MED15: variants seen among roughly 807,000 people sequenced by gnomAD.
The protein encoded by MED15 is mediator of RNA polymerase II transcription subunit 15.
MED15 carries 41 observed loss-of-function variants against 118.7 expected under a neutral mutation model. The ratio of observed to expected loss-of-function variants is 0.35; its 90% confidence interval spans 0.27 to 0.45. The LOEUF is 0.45. MED15 is among the 20% of genes least tolerant of loss of function. The probability of loss-of-function intolerance (pLI) is 1.00; values close to 1 mark genes in which losing one functional copy is unlikely to be tolerated. For synonymous variants in MED15, 436 were observed against 413.9 expected, an observed-to-expected ratio of 1.05 and a Z score of -0.65; for missense variants, 740 against 1,025.5, an observed-to-expected ratio of 0.72 and a Z score of 3.80.
intron 1 of MED15, chr22:20,523,089 A>G (rs562698527): frequency 1.3e-5 from 2 of 152,292 alleles, no homozygotes; most frequent in African/African-American, 4.8e-5. Flanking sequence ...ACATATTGAT[A>G]TATTTCCACC....
chr22:20,578,767 C>T (rs568025381), intron 9 of MED15, among the ~76,000 whole-genome samples: 182 of 152,350 alleles, frequency 1.2e-3, no homozygotes, highest in African/African-American at 4.2e-3. Context: ...GTCAGCAGGA[C>T]ACAGTCTGGA....
At chr22:20,514,898 G>A (rs146852981) in intron 1 of MED15, among the ~76,000 whole-genome samples, 98 of 152,330 alleles carry the variant, frequency 6.4e-4, no homozygotes, top group Admixed American at 3.5e-3. Flanking sequence ...CCCTTCTGGT[G>A]CAGCTCCAGC....
intron 1 of MED15, among the ~76,000 whole-genome samples, chr22:20,534,664 C>T (rs2054991438): frequency 6.6e-6 from 1 of 152,168 alleles, no homozygotes; most frequent in Non-Finnish European, 1.5e-5. Context: ...TGCTCACTGA[C>T]TTCTTGGGGC....
At chr22:20,508,083 G>A (rs190063927) in intron 1 of MED15, 7 of 1,307,396 alleles carry the variant, frequency 5.4e-6, no homozygotes, top group Admixed American at 6.6e-5. Context: ...AGAAGCAGCC[G>A]GCTGTAGTGG....
intron 4 of MED15, 79 bp from the exon 5 acceptor site, chr22:20,554,857 C>T: frequency 1.4e-6 from 2 of 1,388,836 alleles, no homozygotes; most frequent in East Asian, 2.3e-5. Context: ...GATCTGTGCT[C>T]TGTGAGCCTT....
At chr22:20,549,093 G>T (rs541496037) in intron 2 of MED15, among the ~76,000 whole-genome samples, 3 of 152,196 alleles carry the variant, frequency 2.0e-5, no homozygotes, top group Non-Finnish European at 4.4e-5. Flanking sequence ...GAGCCTCCAC[G>T]ATTGGCCTCT....
At chr22:20,584,265 C>T (rs2057070231) in intron 13 of MED15, 94 bp from the exon 14 acceptor site, 5 of 1,313,044 alleles carry the variant, frequency 3.8e-6, no homozygotes, top group Middle Eastern at 2.5e-4. Context: ...GCAGAGGTTT[C>T]TGATGGCTGA....
chr22:20,567,859 C>T (rs546700775), intron 7 of MED15, among the ~76,000 whole-genome samples: 2 of 152,136 alleles, frequency 1.3e-5, no homozygotes, highest in African/African-American at 4.8e-5. Context: ...GTTTGCCCCC[C>T]ACCCCCACTT....
chr22:20,573,974 A>G (rs1459424173), intron 8 of MED15: 1 of 152,220 alleles, frequency 6.6e-6, no homozygotes, highest in Non-Finnish European at 1.5e-5. Context: ...GGCGTCTGCC[A>G]TGCCGTGTCA....
intron 1 of MED15, among the ~76,000 whole-genome samples, chr22:20,509,549 C>A (rs981435045): frequency 4.9e-5 from 7 of 141,908 alleles, no homozygotes; most frequent in Non-Finnish European, 1.1e-4. Context: ...GGAGGGGGAA[C>A]GTAGACAATT....
chr22:20,586,603 A>T lies in MED15; in HGVS notation c.2266A>T (p.Met756Leu). 6.2e-7 allele frequency: 1 copy of T among 1,612,998 alleles called. No individual in the cohort carries two copies. Among genetic ancestry groups the T allele is most frequent in the Non-Finnish European group, 8.5e-7 (1 of 1,179,954 alleles). The change falls in exon 18 of 18, where the codon ATG becomes TTG. Residue 756 changes from methionine (M) to leucine (L), a missense_variant. Around this residue, in one of 7 missense-constraint regions of MED15, gnomAD observed 179 missense variants for 259.0 expected, o/e 0.69. Transcript: ENST00000263205. ...NPFLQSVHRC[M>L]TSRLLQLPDK... ...CTTCCTCCAGTCGGTGCACCGCTGC[A>T]TGACCTCCAGGCTGCTGCAGCTCCC...
chr22:20,559,817 T>A (rs1474053424), intron 5 of MED15, among the ~76,000 whole-genome samples: 1 of 152,272 alleles, frequency 6.6e-6, no homozygotes, highest in African/African-American at 2.4e-5. Flanking sequence ...TATCTTTTTT[T>A]ATCCTTTTTC....
At chr22:20,534,606 T>C (rs1329400170) in intron 1 of MED15, among the ~76,000 whole-genome samples, 1 of 152,146 alleles carries the variant, frequency 6.6e-6, no homozygotes, top group Non-Finnish European at 1.5e-5. Context: ...GGGGCACAGA[T>C]GAGGCAACCT....
At chr22:20,553,055 C>G in intron 3 of MED15, 90 bp from the exon 4 acceptor site, 2 of 1,265,886 alleles carry the variant, frequency 1.6e-6, no homozygotes, top group Non-Finnish European at 2.3e-6. Flanking sequence ...AAGGCTTGGG[C>G]AAATGCCTAC....
At chr22:20,508,384 G>C (rs1289892561) in intron 1 of MED15, 2 of 1,304,232 alleles carry the variant, frequency 1.5e-6, no homozygotes, top group East Asian at 1.1e-4. Context: ...CCGACTGCTT[G>C]TTTCTGTTAG....
intron 9 of MED15, among the ~76,000 whole-genome samples, chr22:20,579,929 G>T (rs764143268): frequency 6.6e-6 from 1 of 151,874 alleles, no homozygotes; most frequent in Admixed American, 6.6e-5. Flanking sequence ...ACCGGCGCCC[G>T]ACCTCTCTGG....
chr22:20,565,997 G>C (rs932353353), intron 6 of MED15, among the ~76,000 whole-genome samples: 4 of 150,944 alleles, frequency 2.6e-5, no homozygotes, highest in African/African-American at 9.7e-5. Context: ...CTCCCCGTGT[G>C]AGTGAGAGGT....
chr22:20,523,805 A>G, intron 1 of MED15: 1 of 985,448 alleles, frequency 1.0e-6, no homozygotes, highest in Non-Finnish European at 1.2e-6. Flanking sequence ...ATTCTTCTGA[A>G]CTAGCTTAGA....
Position 20,586,689 on chromosome 22 carries a change from CCT to C in MED15, c.2356_2357del (p.Ala787ArgfsTer31). The C allele has an allele frequency of 6.2e-7, 1 of 1,612,636 alleles. No homozygotes were observed. Among genetic ancestry groups the C allele is most frequent in the Non-Finnish European group, 8.5e-7 (1 of 1,179,952 alleles). ...GGGCCCAGAGCGTCCACCAGGCCTG[CCT>C]CTCAGCCGCCTAGCCAAGACTGCAG... ...TWAQSVHQAC[L>X]SAA On this transcript the variant is annotated frameshift_variant, in exon 18 of 18. Transcript: ENST00000263205. LOFTEE classifies it high-confidence loss of function.
Sources: gnomAD v4.1 joint callset for allele counts (sites outside exome capture counted in the v4.1 genomes callset) on GRCh38, gnomAD v4.1.1 for gene constraint, gnomAD v4.1.1 regional missense constraint, MANE v1.5 for transcripts, NCBI Gene and HGNC (gene_info 2026-07-23, HGNC 2026-07-21) for gene names.